CMYA5: variants seen among roughly 807,000 people sequenced by gnomAD.
The protein encoded by CMYA5 is cardiomyopathy-associated protein 5.
Under a neutral mutation model 318.9 loss-of-function variants are expected in CMYA5, and 246 were observed. The ratio of observed to expected loss-of-function variants is 0.77; its 90% CI spans 0.70 to 0.86. The LOEUF (loss-of-function observed/expected upper bound fraction) is 0.86, where lower values mean the gene tolerates loss of function less well. Ranked by LOEUF, CMYA5 falls within the 40% of genes least tolerant of loss-of-function variation. The pLI, the probability that CMYA5 is intolerant of heterozygous loss-of-function variation, is 0.00. For synonymous variants in CMYA5, 1,641 were observed against 1,729.5 expected (o/e 0.95, Z 1.27); for missense variants, 4,589 against 4,678.2 (o/e 0.98, Z 0.56).
Position 79,739,000 on chromosome 5 carries a change from T to TC in CMYA5, c.10237dup (p.Arg3413ProfsTer2), listed in dbSNP as rs757510527. ...CCACCTGAGCCAAGTGAAGAGAGGCTCCGTAATAGCCCTGTTCAGGATGAG... is the reference window on the plus strand; with the variant it reads ...CCACCTGAGCCAAGTGAAGAGAGGCTCCCGTAATAGCCCTGTTCAGGATGAG... On this transcript the variant is annotated frameshift_variant, in exon 2 of 13. Transcript: ENST00000446378. LOFTEE classifies it high-confidence loss of function. 4 of 1,613,676 alleles carry TC rather than the reference T, an allele frequency of 2.5e-6. No homozygotes were observed. The African/African-American group carries it at 5.3e-5, about 22-fold the overall frequency.
At chr5:79,706,732 A>C (rs949896758) in intron 1 of CMYA5, among the ~76,000 whole-genome samples, 6 of 152,198 alleles carry the variant, frequency 3.9e-5, no homozygotes, top group Non-Finnish European at 8.8e-5. Context: ...TGTGGGGGGA[A>C]GCACATCACG....
In CMYA5 at chr5:79,733,533, G is replaced by A. The variant is rs145835769; in HGVS notation, c.4768G>A (p.Asp1590Asn). ...CCCAACATTACTGCTCCTCAGTGAT[G>A]ATAAGAACAAACCGGCAGTGGAGGT... ...LAPTLLLLSDDKNKPAVEVSS... is the reference protein window; with the variant it reads ...LAPTLLLLSDNKNKPAVEVSS... Residue 1590 changes from aspartate (D) to asparagine (N), a missense_variant, in exon 2 of 13, where the codon GAT (aspartate) becomes AAT (asparagine). This residue lies in a region of CMYA5 where 2,132 missense variants were observed against 2,131.3 expected (regional missense o/e 1.00). Coordinates refer to ENST00000446378, the MANE Select transcript of CMYA5 (RefSeq NM_153610.5). 2.2e-4 allele frequency: 356 copies of A among 1,613,948 alleles called. 5 individuals carry two copies. The East Asian group carries it at 7.1e-3, about 32-fold the overall frequency.
In CMYA5 at chr5:79,729,983, A is replaced by G; in HGVS notation, c.1218A>G (p.Ala406=). ...GTGAGCTTGCTTCACCAGGAACTGC[A>G]GCTTCAGAGAATGACTCTTCAGTCT... ...EECELASPGT[A]ASENDSSVSP... Residue 406 remains alanine (A), a synonymous_variant, in exon 2 of 13, where the codon GCA becomes GCG. Coordinates refer to ENST00000446378, the MANE Select transcript of CMYA5 (RefSeq NM_153610.5). The G allele has an allele frequency of 6.2e-7, 1 of 1,614,050 alleles. No homozygotes were observed. Among genetic ancestry groups the G allele is most frequent in the South Asian group, 1.1e-5 (1 of 91,082 alleles).
chr5:79,764,014 T>TA (rs1010692486), intron 9 of CMYA5, among the ~76,000 whole-genome samples: 9 of 152,034 alleles, frequency 5.9e-5, no homozygotes, highest in Non-Finnish European at 8.8e-5. Context: ...TTTTTTTTTT[T>TA]ATTACACTTT....
At chr5:79,704,830 G>A (rs184283715) in intron 1 of CMYA5, among the ~76,000 whole-genome samples, 1 of 152,240 alleles carries the variant, frequency 6.6e-6, no homozygotes, top group Admixed American at 6.5e-5. Flanking sequence ...TTCACTGGGA[G>A]GCCTAAATAT....
At chr5:79,742,083 CTTCTTCTTCTTCTTCTTT>C (rs1342657617) in intron 2 of CMYA5, among the ~76,000 whole-genome samples, 2 of 111,420 alleles carry the variant, frequency 1.8e-5, no homozygotes, top group Non-Finnish European at 3.7e-5. Flanking sequence ...TCTTCTTCTT[CTTCTTCTTCTTCTTCTTT>C]CTTCTTCTCT....
chr5:79,787,058 T>G (rs1403430734), intron 9 of CMYA5, among the ~76,000 whole-genome samples: 1 of 152,180 alleles, frequency 6.6e-6, no homozygotes, highest in Non-Finnish European at 1.5e-5. Flanking sequence ...TATGTGGAAT[T>G]TTCTCCTTGA....
At position 79,732,444 on chromosome 5, in the gene CMYA5, G is replaced by T. The variant is rs375419797; in HGVS notation, c.3679G>T (p.Glu1227Ter). Residue 1227 changes from glutamate to a stop codon, truncating the protein, a stop_gained, in exon 2 of 13, where the codon GAG (glutamate) becomes TAG (stop). Transcript: ENST00000446378. LOFTEE classifies it high-confidence loss of function. ...ACATGTATCACAGGATCAAAAAATG[G>T]AGCCTCAGCCTCCAAATGTTCCAGA... ...TAHVSQDQKM[E>*]PQPPNVPESE... The T allele has an allele frequency of 1.9e-6, 3 of 1,613,294 alleles. No individual in the cohort carries two copies. Among genetic ancestry groups the T allele is most frequent in the Non-Finnish European group, 2.5e-6 (3 of 1,179,702 alleles).
At chr5:79,706,851 A>G (rs959438745) in intron 1 of CMYA5, among the ~76,000 whole-genome samples, 9 of 152,082 alleles carry the variant, frequency 5.9e-5, no homozygotes, top group East Asian at 5.8e-4. Context: ...TTCTGTAGCA[A>G]TAGTTTCAGG....
chr5:79,790,476 G>A (rs1007431992), intron 10 of CMYA5, among the ~76,000 whole-genome samples: 3 of 152,076 alleles, frequency 2.0e-5, no homozygotes, highest in African/African-American at 2.4e-5. Context: ...TCACCATGTT[G>A]GCCAGGCTGG....
At chr5:79,701,593 A>C (rs554768469) in intron 1 of CMYA5, among the ~76,000 whole-genome samples, 90 of 152,348 alleles carry the variant, frequency 5.9e-4, no homozygotes, top group African/African-American at 2.0e-3. Flanking sequence ...CGGAAGTATC[A>C]GAATCCTCAT....
At position 79,735,917 on chromosome 5, in the gene CMYA5, G is replaced by A; in HGVS notation, c.7152G>A (p.Val2384=). 6.2e-7 allele frequency: 1 copy of A among 1,608,370 alleles called. No individual in the cohort carries two copies. Among genetic ancestry groups the A allele is most frequent in the Non-Finnish European group, 8.5e-7 (1 of 1,178,352 alleles). The stretch of plus-strand genomic sequence containing the variant: ...TTTCATTTGATGTAGTAGATAAGGT[G>A]CCACAACAGCCAAAATCAGCTTCCT... ...SLLSFDVVDK[V]PQQPKSASSN... is the part of the protein sequence containing the mutation. Residue 2384 remains valine, a synonymous_variant, in exon 2 of 13, where the codon GTG becomes GTA. Coordinates refer to ENST00000446378, the MANE Select transcript of CMYA5 (RefSeq NM_153610.5).
At position 79,734,218 on chromosome 5, in the gene CMYA5, T is replaced by C. The variant is rs186859274; in HGVS notation, c.5453T>C (p.Leu1818Pro). Reference sequence around the variant, plus strand: ...TCAAAGATTGCTCCTTCTGACCTCCTTGTAGAACAAAAAAAGACAGAAAAA... The same window carrying C: ...TCAAAGATTGCTCCTTCTGACCTCCCTGTAGAACAAAAAAAGACAGAAAAA... ...EPSKIAPSDL[L>P]VEQKKTEKAL... Residue 1818 changes from leucine (L) to proline (P), a missense_variant, in exon 2 of 13, where the codon CTT becomes CCT. Leu to Pro is a moderately conservative substitution (Grantham distance 98). This residue lies in a region of CMYA5 where 2,132 missense variants were observed against 2,131.3 expected (regional missense o/e 1.00). Coordinates refer to ENST00000446378, the MANE Select transcript of CMYA5 (RefSeq NM_153610.5). The C allele has an allele frequency of 4.0e-5, 64 of 1,613,740 alleles. No individual in the cohort carries two copies. The Admixed American group carries it at 4.7e-4, about 12-fold the overall frequency.
chr5:79,713,938 T>G (rs953850954), intron 1 of CMYA5, among the ~76,000 whole-genome samples: 2 of 140,782 alleles, frequency 1.4e-5, no homozygotes, highest in African/African-American at 5.2e-5. Flanking sequence ...CATGTCTTAG[T>G]CACTCAATGA....
rs1561213292 is a variant in CMYA5 at position 79,737,906 on chromosome 5, C to A, written c.9141C>A (p.Pro3047=). 6.2e-7 allele frequency: 1 copy of A among 1,605,488 alleles called. No individual in the cohort carries two copies. Among genetic ancestry groups the A allele is most frequent in the Non-Finnish European group, 8.5e-7 (1 of 1,177,928 alleles). The change falls in exon 2 of 13, where the codon CCC becomes CCA. Residue 3047 remains proline (P), a synonymous_variant. Coordinates refer to ENST00000446378, the MANE Select transcript of CMYA5 (RefSeq NM_153610.5). Reference sequence around the variant, plus strand: ...TATCATTTATTCAGCCCACAATTCCCAGTGAAGAGGATTATTTTGAAAAAT... The same window carrying A: ...TATCATTTATTCAGCCCACAATTCCAAGTGAAGAGGATTATTTTGAAAAAT... The part of the protein sequence containing the change: ...TDLSFIQPTI[P]SEEDYFEKYT...
At chr5:79,778,304 G>A (rs935865278) in intron 9 of CMYA5, among the ~76,000 whole-genome samples, 1 of 152,172 alleles carries the variant, frequency 6.6e-6, no homozygotes, top group African/African-American at 2.4e-5. Context: ...GTTAAAAAGT[G>A]TGTACATTGT....
chr5:79,778,913 A>AT lies in CMYA5; in HGVS notation c.11556-10046dup, dbSNP rs1402427063. 1.1e-3 allele frequency among the ~76,000 whole-genome samples: 95 copies of AT among 89,872 alleles called. 1 individual carries two copies. Among genetic ancestry groups the AT allele is most frequent in the Middle Eastern group, 6.0e-3 (1 of 166 alleles). 59.0% of individuals were successfully genotyped at this position (89,872 alleles called of 152,430 possible). On this transcript the variant is annotated intron_variant, in intron 9 of 12. Coordinates refer to ENST00000446378, the MANE Select transcript of CMYA5 (RefSeq NM_153610.5). ...TTATTTATTTTTATTTTTTTTTTTA[A>AT]TTTTTTTTTTTTATTATACTCTAAG... is the stretch of plus-strand genomic sequence containing the variant.
chr5:79,717,669 C>A (rs1827544204), intron 1 of CMYA5, among the ~76,000 whole-genome samples: 1 of 152,096 alleles, frequency 6.6e-6, no homozygotes, highest in Admixed American at 6.5e-5. Flanking sequence ...TAGTAGAGGG[C>A]CCTAACTTCC....
Position 79,718,071 on chromosome 5 carries a change from T to G in CMYA5, c.150-10844T>G, listed in dbSNP as rs1226585314. ...GCCCGGCTATTTTTTGTAGTTTTAG[T>G]AGAGACGGGGTTTCACCGTTTTAGC... On this transcript the variant is annotated intron_variant, in intron 1 of 12. Transcript: ENST00000446378. 1.8e-5 allele frequency among the ~76,000 whole-genome samples: 2 copies of G among 108,284 alleles called. 1 individual carries two copies. The highest frequency in any genetic ancestry group is 3.6e-5 in the Non-Finnish European group (2 of 55,850). 71.0% of individuals were successfully genotyped at this position (108,284 alleles called of 152,430 possible). A position where few individuals can be genotyped will look rare whatever the true frequency, so the allele number is the denominator to read the frequency against.
Sources: gnomAD v4.1 joint callset for allele counts (sites outside exome capture counted in the v4.1 genomes callset) on GRCh38, gnomAD v4.1.1 for gene constraint, gnomAD v4.1.1 regional missense constraint, MANE v1.5 for transcripts, NCBI Gene and HGNC (gene_info 2026-07-23, HGNC 2026-07-21) for gene names.